PPARGC1A: variants seen among roughly 807,000 people sequenced by gnomAD.
PPARGC1A encodes the protein PPARG coactivator 1 alpha, also known as peroxisome proliferator-activated receptor gamma coactivator 1-alpha.
Under a neutral mutation model 88.7 loss-of-function variants are expected in PPARGC1A, and 25 were observed. The observed-to-expected ratio is 0.28, with a 90% CI of 0.21 to 0.39. The LOEUF (loss-of-function observed/expected upper bound fraction) is 0.39. PPARGC1A is among the 10% of genes least tolerant of loss of function. The pLI, the probability that PPARGC1A is intolerant of heterozygous loss-of-function variation, is 1.00. For missense variants in PPARGC1A, 880 were observed against 968.7 expected, an observed-to-expected ratio of 0.91 and a Z score of 1.22; for synonymous variants, 363 against 355.6, an observed-to-expected ratio of 1.02 and a Z score of -0.24.
At chr4:24,231,615 C>T in the PPARGC1A span, among the ~76,000 whole-genome samples, 3 of 152,184 alleles carry the variant, frequency 2.0e-5, no homozygotes. Context: ...TGCCCAGCTG[C>T]AGTTTGTACA....
At chr4:24,283,548 A>G in the PPARGC1A span, among the ~76,000 whole-genome samples, 4 of 152,234 alleles carry the variant, frequency 2.6e-5, no homozygotes, top group African/African-American at 9.6e-5. Context: ...TTAAGAGGAT[A>G]GTTCAGCTTT....
the PPARGC1A span, among the ~76,000 whole-genome samples, chr4:24,248,725 G>T: frequency 1.3e-5 from 2 of 152,166 alleles, no homozygotes; most frequent in Non-Finnish European, 2.9e-5. Flanking sequence ...GCGTTTCAAG[G>T]TTAATGCATG....
the PPARGC1A span, among the ~76,000 whole-genome samples, chr4:23,952,236 G>T: frequency 6.6e-6 from 1 of 152,074 alleles, no homozygotes; most frequent in Non-Finnish European, 1.5e-5. Flanking sequence ...GAGAAAACAG[G>T]TCACAATGAT....
the PPARGC1A span, among the ~76,000 whole-genome samples, chr4:24,382,493 G>A: frequency 1.3e-5 from 2 of 152,152 alleles, no homozygotes; most frequent in Non-Finnish European, 2.9e-5. Context: ...CAATGGAAAG[G>A]AAACTGCTAC....
chr4:24,270,049 A>T, the PPARGC1A span, among the ~76,000 whole-genome samples: 1 of 152,184 alleles, frequency 6.6e-6, no homozygotes, highest in Non-Finnish European at 1.5e-5. Context: ...GAATCAGTAG[A>T]CTGAGTACAG....
chr4:24,093,674 G>C, the PPARGC1A span, among the ~76,000 whole-genome samples: 1 of 152,158 alleles, frequency 6.6e-6, no homozygotes, highest in Non-Finnish European at 1.5e-5. Flanking sequence ...GGACAACTGG[G>C]AGCAATTAGT....
At chr4:24,082,472 G>C in the PPARGC1A span, among the ~76,000 whole-genome samples, 1 of 152,000 alleles carries the variant, frequency 6.6e-6, no homozygotes, top group East Asian at 1.9e-4. Context: ...CTGTGTACTG[G>C]GGACTAGCTT....
chr4:23,973,548 A>G, the PPARGC1A span, among the ~76,000 whole-genome samples: 1 of 152,196 alleles, frequency 6.6e-6, no homozygotes, highest in Non-Finnish European at 1.5e-5. Flanking sequence ...TATGTTTCTT[A>G]AAGATAAAGC....
At chr4:24,164,378 G>A in the PPARGC1A span, among the ~76,000 whole-genome samples, 16 of 152,122 alleles carry the variant, frequency 1.1e-4, no homozygotes, top group Non-Finnish European at 1.9e-4. Context: ...CTGGCAAAAT[G>A]TGTCTCCCCT....
At chr4:24,128,904 C>T in the PPARGC1A span, among the ~76,000 whole-genome samples, 1 of 152,090 alleles carries the variant, frequency 6.6e-6, no homozygotes, top group South Asian at 2.1e-4. Flanking sequence ...CGAAGCCTCA[C>T]CAAAAGAATG....
At chr4:24,064,894 T>C in the PPARGC1A span, among the ~76,000 whole-genome samples, 5 of 152,178 alleles carry the variant, frequency 3.3e-5, no homozygotes, top group African/African-American at 9.7e-5. Flanking sequence ...TTAGTGGATG[T>C]TGGAGTTCAA....
the PPARGC1A span, among the ~76,000 whole-genome samples, chr4:23,991,065 T>C: frequency 3.3e-5 from 5 of 151,988 alleles, no homozygotes; most frequent in African/African-American, 1.2e-4. Flanking sequence ...AGAAAAGAGC[T>C]CTCTAGAATC....
At chr4:23,940,872 C>CA in the PPARGC1A span, among the ~76,000 whole-genome samples, 1 of 151,742 alleles carries the variant, frequency 6.6e-6, no homozygotes, top group Admixed American at 6.6e-5. Context: ...CCAGACTCTA[C>CA]AAAAAAAATT....
chr4:24,429,874 C>T, the PPARGC1A span, among the ~76,000 whole-genome samples: 1 of 152,040 alleles, frequency 6.6e-6, no homozygotes, highest in African/African-American at 2.4e-5. Context: ...TGGTCTCAAA[C>T]TCCTGACCTC....
At chr4:24,101,028 A>G in the PPARGC1A span, among the ~76,000 whole-genome samples, 3 of 152,194 alleles carry the variant, frequency 2.0e-5, no homozygotes, top group Non-Finnish European at 4.4e-5. Context: ...GACAAATTCT[A>G]TGATTTATTT....
chr4:24,106,760 T>C, the PPARGC1A span, among the ~76,000 whole-genome samples: 13 of 152,334 alleles, frequency 8.5e-5, no homozygotes, highest in African/African-American at 3.1e-4. Flanking sequence ...CTTCGGTCAA[T>C]AGTCTTAAAG....
the PPARGC1A span, among the ~76,000 whole-genome samples, chr4:24,102,769 G>A: frequency 3.3e-5 from 5 of 152,100 alleles, no homozygotes; most frequent in South Asian, 2.1e-4. Context: ...ATAGAGGAAC[G>A]GCAGGGAGGC....
At chr4:24,163,946 A>G in the PPARGC1A span, among the ~76,000 whole-genome samples, 1 of 152,322 alleles carries the variant, frequency 6.6e-6, no homozygotes, top group East Asian at 1.9e-4. Context: ...CACATTTTGA[A>G]GCAGTCTGGA....
the PPARGC1A span, among the ~76,000 whole-genome samples, chr4:24,296,091 CACAT>C: frequency 2.7e-5 from 4 of 150,214 alleles, no homozygotes; most frequent in South Asian, 2.1e-4. Context: ...CATATATACA[CACAT>C]ACATATATAT....
Sources: allele counts gnomAD v4.1 joint callset (sites outside exome capture counted in the v4.1 genomes callset), GRCh38; gene constraint gnomAD v4.1.1; transcripts MANE v1.5; gene names NCBI Gene and HGNC (gene_info 2026-07-23, HGNC 2026-07-21).